NOTCH4: variants seen among roughly 807,000 people sequenced by gnomAD.
NOTCH4 encodes the protein notch receptor 4.
A neutral mutation model predicts 189.0 loss-of-function variants in NOTCH4; 138 were observed. The observed-to-expected ratio is 0.73, with a 90% confidence interval of 0.64 to 0.84. The LOEUF (loss-of-function observed/expected upper bound fraction) is 0.84, where lower values mean the gene tolerates loss of function less well. Among genes scored for constraint, NOTCH4 ranks in the 40% least tolerant of loss-of-function variants. NOTCH4 has a pLI of 0.00. For missense variants in NOTCH4, 2,286 were observed against 2,605.4 expected (o/e 0.88, Z 2.67); for synonymous variants, 942 against 1,032.8 (o/e 0.91, Z 1.69).
In NOTCH4 at chr6:32,212,995, C is replaced by T; in HGVS notation, c.2439-84G>A. ...GTGTGTGATATTGTCGGGAGGCAAC[C>T]ACAGGGAGGTGGCAAGCCAGGAGGG... On this transcript the variant is annotated intron_variant, in intron 15 of 29. Coordinates refer to ENST00000375023, the MANE Select transcript of NOTCH4 (RefSeq NM_004557.4). This position sits in a 1 kb window ranked among gnomAD's most constrained non-coding sequence, Gnocchi z 4.4. 2 of 1,376,260 alleles carry T rather than the reference C, an allele frequency of 1.5e-6. No homozygotes were observed. The highest frequency in any genetic ancestry group is 1.3e-5 in the South Asian group (1 of 79,402). The allele number at this position is 1,376,260 out of a possible 1,614,324, so 85.3% of individuals were successfully genotyped here.
rs529569914 is a variant in NOTCH4, at chr6:32,212,195, G to A, written c.2680+279C>T. Among the ~76,000 whole-genome samples the A allele has an allele frequency of 5.3e-5, 8 of 152,274 alleles. No individual in the cohort carries two copies. Among genetic ancestry groups the A allele is most frequent in the South Asian group, 4.1e-4 (2 of 4,822 alleles). ...TCAGGACAGAGTTGAGTTGCTCCAC[G>A]TTGAGTCATGTCCCTCATGGTTGGG... On this transcript the variant is annotated intron_variant, in intron 17 of 29. Transcript: ENST00000375023. The surrounding 1 kb of genome is among the most constrained non-coding windows in gnomAD (Gnocchi z 4.4).
In NOTCH4 at chr6:32,202,003, G is replaced by A; in HGVS notation, c.3755+73C>T. 1 of 1,357,070 alleles carries A rather than the reference G, an allele frequency of 7.4e-7. No homozygotes were observed. The highest frequency in any genetic ancestry group is 9.7e-7 in the Non-Finnish European group (1 of 1,035,860). 84.1% of individuals were successfully genotyped at this position (1,357,070 alleles called of 1,614,324 possible). A position where few individuals can be genotyped will look rare whatever the true frequency, so the allele number is the denominator to read the frequency against. ...AAGGCTGTGGCCACACTGTAACTCAGAGCCATCTACGTCCTTCCTCCTCCT... is the reference window on the plus strand; with the variant it reads ...AAGGCTGTGGCCACACTGTAACTCAAAGCCATCTACGTCCTTCCTCCTCCT... On this transcript the variant is annotated intron_variant, in intron 21 of 29. Coordinates refer to ENST00000375023, the MANE Select transcript of NOTCH4 (RefSeq NM_004557.4). The surrounding 1 kb of genome is among the most constrained non-coding windows in gnomAD (Gnocchi z 5.7).
rs1179811982 is a variant in NOTCH4, at chr6:32,200,900, C to T, written c.4246G>A (p.Ala1416Thr). 9 of 1,609,386 alleles carry T rather than the reference C, an allele frequency of 5.6e-6. No individual in the cohort carries two copies. Among genetic ancestry groups the T allele is most frequent in the Non-Finnish European group, 7.6e-6 (9 of 1,178,348 alleles). The change falls in exon 23 of 30, where the codon GCT becomes ACT. Residue 1416 changes from alanine to threonine, a missense_variant. Coordinates refer to ENST00000375023, the MANE Select transcript of NOTCH4 (RefSeq NM_004557.4). This position sits in a 1 kb window ranked among gnomAD's most constrained non-coding sequence, Gnocchi z 5.0. ...GLLLRFLAAM[A>T]AVGALEPLLP... ...AGGGGCTCCAGGGCTCCCACTGCAG[C>T]CATCGCAGCAAGGAAGCGGAGTAGA...
intron 1 of NOTCH4, among the ~76,000 whole-genome samples, chr6:32,223,424 C>T (rs184783010): frequency 3.9e-5 from 6 of 152,200 alleles, no homozygotes; most frequent in South Asian, 2.1e-4. Context: ...GATTTCCTCC[C>T]GGAAAGGCCG....
chr6:32,213,361 G>A, intron 14 of NOTCH4, 109 bp from the exon 15 acceptor site: 1 of 695,012 alleles, frequency 1.4e-6, no homozygotes, highest in Non-Finnish European at 2.5e-6. Flanking sequence ...CAAAACGACA[G>A]CTCACTGCCA....
At chr6:32,205,531 G>T (rs1182580762) in intron 18 of NOTCH4, among the ~76,000 whole-genome samples, 5 of 108,264 alleles carry the variant, frequency 4.6e-5, no homozygotes, top group Non-Finnish European at 8.5e-5. Flanking sequence ...CGGGGCAACA[G>T]AGTGAGATGC....
chr6:32,222,727 T>C lies in NOTCH4; in HGVS notation c.235A>G (p.Ser79Gly). The change falls in exon 3 of 30, where the codon AGC becomes GGC. Residue 79 changes from serine (S) to glycine (G), a missense_variant. By Grantham distance (56) the Ser-to-Gly change is moderately conservative. Transcript: ENST00000375023. ...GGAGCGGGAAGCAGGGCTTGGCAGC[T>C]GCCTCCATTTTGGCAGAGCTGGGCG... ...QNAQLCQNGG[S>G]CQALLPAPLG... 3 of 1,610,732 alleles carry C rather than the reference T, an allele frequency of 1.9e-6. No homozygotes were observed. Among genetic ancestry groups the C allele is most frequent in the Non-Finnish European group, 2.5e-6 (3 of 1,178,938 alleles).
At position 32,220,844 on chromosome 6, in the gene NOTCH4, G is replaced by A. The variant is rs1173977205; in HGVS notation, c.834C>T (p.Asp278=). 6.2e-7 allele frequency: 1 copy of A among 1,614,120 alleles called. No individual in the cohort carries two copies. Among genetic ancestry groups the A allele is most frequent in the Admixed American group, 1.7e-5 (1 of 60,018 alleles). ...TCTGACACTGGTGGCTGACACAGTTGTCTGGATTCACCTCACAGTCTGGGC... is the reference window on the plus strand; with the variant it reads ...TCTGACACTGGTGGCTGACACAGTTATCTGGATTCACCTCACAGTCTGGGC... ...FIGPDCEVNP[D]NCVSHQCQNG... is the part of the protein sequence containing the mutation. The change falls in exon 5 of 30, where the codon GAC becomes GAT. Residue 278 remains aspartate (D), a synonymous_variant. Transcript: ENST00000375023.
rs1561913741 is a variant in NOTCH4 at position 32,198,011 on chromosome 6, C to CG, written c.4756+409dup. Among the ~76,000 whole-genome samples, 3 of 151,896 alleles carry CG rather than the reference C, an allele frequency of 2.0e-5. No individual in the cohort carries two copies. The highest frequency in any genetic ancestry group is 7.3e-5 in the African/African-American group (3 of 41,336). ...TAATTTTTTGTATTTTTAGTAGAGA[C>CG]GGGGTTTCACTGTGTTAGCCAGGAT... On this transcript the variant is annotated intron_variant, in intron 26 of 29. Coordinates refer to ENST00000375023, the MANE Select transcript of NOTCH4 (RefSeq NM_004557.4). The surrounding 1 kb of genome is among the most constrained non-coding windows in gnomAD (Gnocchi z 5.5).
chr6:32,217,837 A>G lies in NOTCH4; in HGVS notation c.1624+158T>C, dbSNP rs1394388736. Among the ~76,000 whole-genome samples the G allele has an allele frequency of 6.6e-6, 1 of 152,120 alleles. No individual in the cohort carries two copies. The highest frequency in any genetic ancestry group is 1.5e-5 in the Non-Finnish European group (1 of 68,018). ...CAAGTAAGCAAGGGAAGATTTGGGG[A>G]TGTAAGAGTAGAGATTTTGGGGAGC... is the stretch of plus-strand genomic sequence containing the variant. On this transcript the variant is annotated intron_variant, in intron 9 of 29. Transcript: ENST00000375023. This position sits in a 1 kb window ranked among gnomAD's most constrained non-coding sequence, Gnocchi z 4.2.
chr6:32,222,484 C>T lies in NOTCH4; in HGVS notation c.451+27G>A, dbSNP rs769944736. On this transcript the variant is annotated intron_variant, in intron 3 of 29. Coordinates refer to ENST00000375023, the MANE Select transcript of NOTCH4 (RefSeq NM_004557.4). ...CTAGCCCATTGCTCCTGCCTGTCCC[C>T]TCCTGGCTGCCCCCAGCAGCGCTTA... The T allele has an allele frequency of 8.0e-6, 12 of 1,495,116 alleles. No homozygotes were observed. The African/African-American group carries it at 1.3e-4, about 16-fold the overall frequency. 92.6% of individuals were successfully genotyped at this position (1,495,116 alleles called of 1,614,324 possible). A position where few individuals can be genotyped will look rare whatever the true frequency, so the allele number is the denominator to read the frequency against.
At position 32,223,079 on chromosome 6, in the gene NOTCH4, C is replaced by G; in HGVS notation, c.81G>C (p.Leu27=). 6.2e-7 allele frequency: 1 copy of G among 1,613,928 alleles called. No individual in the cohort carries two copies. The highest frequency in any genetic ancestry group is 8.5e-7 in the Non-Finnish European group (1 of 1,179,854). ...CVSVVRPRGL[L]CGSFPEPCAN... ...CACAGGGTTCTGGGAAACTCCCACA[C>G]AGCAGCCCTGAGGGTGGAGAGGCAG... is the stretch of plus-strand genomic sequence containing the variant. Residue 27 remains leucine (L), a synonymous_variant, in exon 2 of 30, where the codon CTG becomes CTC. Coordinates refer to ENST00000375023, the MANE Select transcript of NOTCH4 (RefSeq NM_004557.4).
Position 32,212,654 on chromosome 6 carries a change from A to T in NOTCH4, c.2527-27T>A, listed in dbSNP as rs2071285. On this transcript the variant is annotated intron_variant, in intron 16 of 29. Coordinates refer to ENST00000375023, the MANE Select transcript of NOTCH4 (RefSeq NM_004557.4). This position sits in a 1 kb window ranked among gnomAD's most constrained non-coding sequence, Gnocchi z 4.4. ...TGAGGGGTGGGAGGGAGCGTGAGGC[A>T]GGACATAGCATCAGATTCTCAGCCC... 109,751 of 1,593,128 alleles carry T rather than the reference A, an allele frequency of 0.069. 4,569 individuals are homozygous for T. The highest frequency in any genetic ancestry group is 0.21 in the East Asian group (9,254 of 44,694).
At position 32,217,827 on chromosome 6, in the gene NOTCH4, A is replaced by G. The variant is rs1201893735; in HGVS notation, c.1624+168T>C. On this transcript the variant is annotated intron_variant, in intron 9 of 29. Coordinates refer to ENST00000375023, the MANE Select transcript of NOTCH4 (RefSeq NM_004557.4). This position sits in a 1 kb window ranked among gnomAD's most constrained non-coding sequence, Gnocchi z 4.2. Reference sequence around the variant, plus strand: ...TGAGAATGGGCAAGTAAGCAAGGGAAGATTTGGGGATGTAAGAGTAGAGAT... The same window carrying G: ...TGAGAATGGGCAAGTAAGCAAGGGAGGATTTGGGGATGTAAGAGTAGAGAT... Among the ~76,000 whole-genome samples the G allele has an allele frequency of 6.6e-6, 1 of 152,140 alleles. No individual in the cohort carries two copies. Among genetic ancestry groups the G allele is most frequent in the Non-Finnish European group, 1.5e-5 (1 of 68,024 alleles).
At position 32,219,647 on chromosome 6, in the gene NOTCH4, G is replaced by A. The variant is rs1789624365; in HGVS notation, c.1455C>T (p.His485=). 6.2e-7 allele frequency: 1 copy of A among 1,613,068 alleles called. No homozygotes were observed. Among genetic ancestry groups the A allele is most frequent in the African/African-American group, 1.3e-5 (1 of 74,934 alleles). The change falls in exon 8 of 30, where the codon CAC becomes CAT. Residue 485 remains histidine (H), a synonymous_variant. Transcript: ENST00000375023. ...GTAGGTCCAGACAGGTGCTTCCTGG[G>A]TGGCAGGGCTGGGAGAGGCACTCAT... is the stretch of plus-strand genomic sequence containing the variant. ...DHNECLSQPC[H]PGSTCLDLLA... is the part of the protein sequence containing the mutation.
chr6:32,214,303 A>T, intron 12 of NOTCH4, 48 bp from the exon 13 acceptor site: 1 of 1,600,240 alleles, frequency 6.2e-7, no homozygotes, highest in Non-Finnish European at 8.5e-7. Flanking sequence ...CCTACTGCTT[A>T]TGTTCCCCTC....
chr6:32,196,300 G>A, intron 29 of NOTCH4, 24 bp downstream of exon 29: 1 of 1,613,118 alleles, frequency 6.2e-7, no homozygotes, highest in Non-Finnish European at 8.5e-7. Context: ...ACTGTTTTGT[G>A]GGAAGCCCTC....
Position 32,220,655 on chromosome 6 carries a change from G to C in NOTCH4, c.923-14C>G, listed in dbSNP as rs779188122. The C allele has an allele frequency of 6.2e-7, 1 of 1,613,146 alleles. No individual in the cohort carries two copies. Among genetic ancestry groups the C allele is most frequent in the Non-Finnish European group, 8.5e-7 (1 of 1,179,190 alleles). ...AGCAGTCCCAGCCTGCAGGGGGTTG[G>C]GGAGGGGACGAGGGCTAAGGCTGGG... is the stretch of plus-strand genomic sequence containing the variant. On this transcript the variant is annotated splice_polypyrimidine_tract_variant and intron_variant, in intron 5 of 29. Transcript: ENST00000375023.
Position 32,195,393 on chromosome 6 carries a change from T to A in NOTCH4, c.*44A>T, listed in dbSNP as rs756310185. On this transcript the variant is annotated 3_prime_UTR_variant, in exon 30 of 30. Coordinates refer to ENST00000375023, the MANE Select transcript of NOTCH4 (RefSeq NM_004557.4). The surrounding 1 kb of genome is among the most constrained non-coding windows in gnomAD (Gnocchi z 5.4). Reference sequence around the variant, plus strand: ...CAGGAAGGCCTTCCAGCCTGCCTTTTAATGGGTAATCATTTTTGGAATTCC... The same window carrying A: ...CAGGAAGGCCTTCCAGCCTGCCTTTAAATGGGTAATCATTTTTGGAATTCC... 2.6e-6 allele frequency: 4 copies of A among 1,520,588 alleles called. No homozygotes were observed. The highest frequency in any genetic ancestry group is 3.5e-6 in the Non-Finnish European group (4 of 1,134,236). 94.2% of individuals were successfully genotyped at this position (1,520,588 alleles called of 1,614,324 possible). A position where few individuals can be genotyped will look rare whatever the true frequency, so the allele number is the denominator to read the frequency against.
Sources: allele counts gnomAD v4.1 joint callset (sites outside exome capture counted in the v4.1 genomes callset), GRCh38; gene constraint gnomAD v4.1.1; non-coding constraint Gnocchi (gnomAD v3.1); transcripts MANE v1.5; gene names NCBI Gene and HGNC (gene_info 2026-07-23, HGNC 2026-07-21).